THEMIS: variants seen among roughly 807,000 people sequenced by gnomAD.
The protein encoded by THEMIS is protein THEMIS.
In THEMIS, 37 loss-of-function variants were observed where a neutral mutation model predicts 52.6. That is an observed-to-expected ratio of 0.70 (90% CI 0.54 to 0.93). The LOEUF is 0.93. Ranked by LOEUF, THEMIS falls within the 40% of genes least tolerant of loss-of-function variation. The pLI is 0.00. For missense variants in THEMIS, 808 were observed against 763.1 expected (o/e 1.06, Z -0.69); for synonymous variants, 292 against 272.7 (o/e 1.07, Z -0.70).
chr6:127,895,886 A>T (rs1419056865), intron 1 of THEMIS, among the ~76,000 whole-genome samples: 2 of 151,342 alleles, frequency 1.3e-5, no homozygotes, highest in African/African-American at 4.8e-5. Context: ...CTTGATAATA[A>T]AGCCTGGCTA....
At position 127,801,140 on chromosome 6, in the gene THEMIS, C is replaced by T. The variant is rs9482840; in HGVS notation, c.1758+11743G>A. ...ATGCATTTGACATTCCTGATACATGCTCATGAGAGGCAAGGAGTTTAGTGA... is the reference window on the plus strand; with the variant it reads ...ATGCATTTGACATTCCTGATACATGTTCATGAGAGGCAAGGAGTTTAGTGA... On this transcript the variant is annotated intron_variant, in intron 4 of 5. Coordinates refer to ENST00000368248, the MANE Select transcript of THEMIS (RefSeq NM_001010923.3). Among the ~76,000 whole-genome samples the T allele has an allele frequency of 1.5e-3, 229 of 152,276 alleles. 1 individual carries two copies. The highest frequency in any genetic ancestry group is 4.9e-3 in the African/African-American group (204 of 41,558).
chr6:127,757,391 G>A lies in THEMIS; in HGVS notation c.1759-37568C>T, dbSNP rs558350280. The stretch of plus-strand genomic sequence containing the variant: ...TATGTAAAAAGAATTTAATTCACCC[G>A]TGCATACATAAATGGCAGATAGCTA... On this transcript the variant is annotated intron_variant, in intron 4 of 5. Transcript: ENST00000368248. Among the ~76,000 whole-genome samples the A allele has an allele frequency of 7.2e-5, 11 of 152,108 alleles. 1 individual carries two copies. The South Asian group carries it at 1.9e-3, about 26-fold the overall frequency.
the THEMIS span, among the ~76,000 whole-genome samples, chr6:127,701,315 A>G: frequency 6.6e-6 from 1 of 151,996 alleles, no homozygotes; most frequent in South Asian, 2.1e-4. Context: ...TCTGTATCTA[A>G]TTTTTATGAT....
intron 4 of THEMIS, among the ~76,000 whole-genome samples, chr6:127,721,866 G>A (rs774743273): frequency 1.3e-5 from 2 of 151,942 alleles, no homozygotes; most frequent in African/African-American, 2.4e-5. Context: ...GAAGGAATAA[G>A]CTTCATGTTT....
chr6:127,842,700 C>T (rs1057018666), intron 2 of THEMIS, among the ~76,000 whole-genome samples: 4 of 151,894 alleles, frequency 2.6e-5, no homozygotes, highest in African/African-American at 9.7e-5. Context: ...TTTCTCCTCA[C>T]CTCAAAGGAA....
At chr6:127,738,897 G>C (rs773848341) in intron 4 of THEMIS, among the ~76,000 whole-genome samples, 1 of 152,062 alleles carries the variant, frequency 6.6e-6, no homozygotes, top group Non-Finnish European at 1.5e-5. Context: ...TGGTAAGTCC[G>C]GTGTATTATA....
chr6:127,745,998 A>G (rs1583225302), intron 4 of THEMIS, among the ~76,000 whole-genome samples: 2 of 151,850 alleles, frequency 1.3e-5, no homozygotes, highest in Admixed American at 1.3e-4. Flanking sequence ...TATTCATACT[A>G]CTAGAATAAG....
chr6:127,725,692 G>T (rs1033930251), intron 4 of THEMIS, among the ~76,000 whole-genome samples: 7 of 151,992 alleles, frequency 4.6e-5, no homozygotes, highest in African/African-American at 9.7e-5. Flanking sequence ...AATATTCTGA[G>T]GTTTTCTACA....
chr6:127,773,019 T>C (rs1022146681), intron 4 of THEMIS, among the ~76,000 whole-genome samples: 7 of 152,172 alleles, frequency 4.6e-5, no homozygotes, highest in Admixed American at 6.5e-5. Context: ...TCTGTACGCA[T>C]GTAAAGATAT....
At chr6:127,836,803 G>A (rs997767105) in intron 2 of THEMIS, among the ~76,000 whole-genome samples, 1 of 152,048 alleles carries the variant, frequency 6.6e-6, no homozygotes, top group African/African-American at 2.4e-5. Flanking sequence ...CTCTCCCAGT[G>A]GATTTGACTT....
In THEMIS at chr6:127,778,238, A is replaced by G. The variant is rs572088068; in HGVS notation, c.1758+34645T>C. ...ACAAACAGAAGCAAATATAAAAAGA[A>G]AGATGCCTTCTGACAATCTTCCCTA... On this transcript the variant is annotated intron_variant, in intron 4 of 5. Transcript: ENST00000368248. Among the ~76,000 whole-genome samples the G allele has an allele frequency of 2.6e-5, 4 of 152,236 alleles. No individual in the cohort carries two copies. The South Asian group carries it at 8.3e-4, about 32-fold the overall frequency.
chr6:127,719,733 C>T lies in THEMIS; in HGVS notation c.1849G>A (p.Asp617Asn), dbSNP rs150338840. 229 of 1,612,156 alleles carry T rather than the reference C, an allele frequency of 1.4e-4. 1 individual carries two copies. Among genetic ancestry groups the T allele is most frequent in the East Asian group, 4.5e-5 (2 of 44,824 alleles). Residue 617 changes from aspartate to asparagine, a missense_variant, in exon 5 of 6, where the codon GAT becomes AAT. Transcript: ENST00000368248. ...CGGTTGCTCCTTTCTTTCTCTTCAT[C>T]CACCAAATCATTCTGACTACCAATC... ...VLIGSQNDLV[D>N]EEKERSNRGA...
At chr6:127,865,330 G>A (rs1457571787) in intron 1 of THEMIS, among the ~76,000 whole-genome samples, 1 of 152,108 alleles carries the variant, frequency 6.6e-6, no homozygotes, top group Non-Finnish European at 1.5e-5. Flanking sequence ...TGATCCAAGG[G>A]TTTATAAGGT....
chr6:127,825,713 C>T (rs866359627), intron 3 of THEMIS, among the ~76,000 whole-genome samples: 1 of 152,080 alleles, frequency 6.6e-6, no homozygotes, highest in Non-Finnish European at 1.5e-5. Flanking sequence ...CCAATTGGAA[C>T]ATGAGAACGA....
At chr6:127,852,474 CA>C (rs897265827) in intron 2 of THEMIS, among the ~76,000 whole-genome samples, 5 of 150,262 alleles carry the variant, frequency 3.3e-5, no homozygotes, top group Admixed American at 6.7e-5. Flanking sequence ...TATATTAGTC[CA>C]AAAAAAACAA....
intron 4 of THEMIS, among the ~76,000 whole-genome samples, chr6:127,741,065 T>C (rs972086031): frequency 6.6e-6 from 1 of 152,182 alleles, no homozygotes; most frequent in Admixed American, 6.5e-5. Context: ...CTACAAATAC[T>C]GTAGCTCTGT....
chr6:127,894,653 A>T (rs2114483016), intron 1 of THEMIS, among the ~76,000 whole-genome samples: 1 of 151,972 alleles, frequency 6.6e-6, no homozygotes, highest in East Asian at 1.9e-4. Context: ...AATCAGAAAA[A>T]ATAAAAGAAA....
At chr6:127,718,003 A>C (rs1349065574) in intron 5 of THEMIS, among the ~76,000 whole-genome samples, 2 of 151,918 alleles carry the variant, frequency 1.3e-5, no homozygotes, top group Non-Finnish European at 2.9e-5. Context: ...TGAGCTATCC[A>C]TATGAAGTAT....
At chr6:127,723,423 A>G (rs780736040) in intron 4 of THEMIS, among the ~76,000 whole-genome samples, 2 of 151,886 alleles carry the variant, frequency 1.3e-5, no homozygotes, top group Non-Finnish European at 2.9e-5. Flanking sequence ...TTACCCAAAC[A>G]TTGCGTGTCA....
Sources: allele counts gnomAD v4.1 joint callset (sites outside exome capture counted in the v4.1 genomes callset), GRCh38; gene constraint gnomAD v4.1.1; transcripts MANE v1.5; gene names NCBI Gene and HGNC (gene_info 2026-07-23, HGNC 2026-07-21).